GPATCH3: variants seen among roughly 807,000 people sequenced by gnomAD.
GPATCH3 encodes the protein G patch domain-containing protein 3.
A neutral mutation model predicts 53.2 loss-of-function variants in GPATCH3; 45 were observed. The ratio of observed to expected loss-of-function variants is 0.85; its 90% CI spans 0.67 to 1.08. The LOEUF is 1.08. Among genes scored for constraint, GPATCH3 ranks in the 50% least tolerant of loss-of-function variants. The pLI is 0.00. For synonymous variants in GPATCH3, 280 were observed against 270.6 expected, an observed-to-expected ratio of 1.03 and a Z score of -0.34; for missense variants, 680 against 687.2, an observed-to-expected ratio of 0.99 and a Z score of 0.12.
rs770681869 is a variant in GPATCH3, at chr1:26,893,374, C to A, written c.1111+15G>T. On this transcript the variant is annotated intron_variant, in intron 4 of 6. Coordinates refer to ENST00000361720, the MANE Select transcript of GPATCH3 (RefSeq NM_022078.3). ...ACCTGTTTCACCTCCAGTATTGCCA[C>A]TCCTTGCCCAGTACCTCTGTCATAG... 3.7e-5 allele frequency: 59 copies of A among 1,606,636 alleles called. No individual in the cohort carries two copies. The highest frequency in any genetic ancestry group is 5.0e-5 in the Non-Finnish European group (59 of 1,173,132).
At chr1:26,893,855 C>A (rs931571865) in intron 3 of GPATCH3, among the ~76,000 whole-genome samples, 3 of 151,948 alleles carry the variant, frequency 2.0e-5, no homozygotes, top group African/African-American at 4.8e-5. Context: ...CTCACTCTGT[C>A]CCCCAGGCTG....
intron 2 of GPATCH3, among the ~76,000 whole-genome samples, chr1:26,894,752 G>A (rs1356109002): frequency 6.6e-6 from 1 of 151,952 alleles, no homozygotes; most frequent in Non-Finnish European, 1.5e-5. Flanking sequence ...CCCACATTTA[G>A]GCCCACAGCT....
At chr1:26,899,145 C>G (rs889720271) in intron 1 of GPATCH3, among the ~76,000 whole-genome samples, 1 of 152,238 alleles carries the variant, frequency 6.6e-6, no homozygotes, top group African/African-American at 2.4e-5. Context: ...TAGTTTCTCC[C>G]TTCTCTGTCA....
In GPATCH3 at chr1:26,898,058, G is replaced by A. The variant is rs375250266; in HGVS notation, c.452-333C>T. ...AGGCTGAAGCAGGAGGATTGCTTGA[G>A]CCTGGGAGGTGAGGCTGTAGTGAGC... On this transcript the variant is annotated intron_variant, in intron 1 of 6. Coordinates refer to ENST00000361720, the MANE Select transcript of GPATCH3 (RefSeq NM_022078.3). 1.9e-4 allele frequency among the ~76,000 whole-genome samples: 29 copies of A among 152,234 alleles called. No homozygotes were observed. In the East Asian group the frequency reaches 3.5e-3, roughly 18 times the overall value.
Position 26,891,344 on chromosome 1 carries a change from A to C in GPATCH3, c.1362-118T>G, listed in dbSNP as rs954820895. 3.8e-5 allele frequency: 28 copies of C among 739,990 alleles called. No individual in the cohort carries two copies. The African/African-American group carries it at 5.0e-4, about 13-fold the overall frequency. The allele number at this position is 739,990 out of a possible 1,614,324, so 45.8% of individuals were successfully genotyped here. On this transcript the variant is annotated intron_variant, in intron 6 of 6. Coordinates refer to ENST00000361720, the MANE Select transcript of GPATCH3 (RefSeq NM_022078.3). Reference sequence around the variant, plus strand: ...GTTTGTCCAAAGACAGAGGCTTTAAATCTGGGTCTTTGTTCTCCAGCCCTC... The same window carrying C: ...GTTTGTCCAAAGACAGAGGCTTTAACTCTGGGTCTTTGTTCTCCAGCCCTC...
chr1:26,891,259 GCT>G (rs2081924179), intron 6 of GPATCH3, 33 bp from the exon 7 acceptor site: 1 of 1,544,244 alleles, frequency 6.5e-7, no homozygotes, highest in African/African-American at 1.4e-5. Context: ...TGAGAAGGCT[GCT>G]CTCAAACTCC....
In GPATCH3 at chr1:26,891,174, T is replaced by C. The variant is rs142814432; in HGVS notation, c.1414A>G (p.Asn472Asp). 1.5e-5 allele frequency: 24 copies of C among 1,613,810 alleles called. No homozygotes were observed. The highest frequency in any genetic ancestry group is 2.0e-5 in the Non-Finnish European group (24 of 1,179,942). The stretch of plus-strand genomic sequence containing the variant: ...ATGGTGGAGATGAGCCCCAAGCCAT[T>C]TCTACGGGGCCTCTTCAGTTGCCCA... ...PFGQLKRPRR[N>D]GLGLISTIYD... Residue 472 changes from asparagine (N) to aspartate (D), a missense_variant, in exon 7 of 7, where the codon AAT becomes GAT. Physicochemically the swap from Asn to Asp is conservative, Grantham distance 23 (BLOSUM62 1). Coordinates refer to ENST00000361720, the MANE Select transcript of GPATCH3 (RefSeq NM_022078.3).
At chr1:26,899,446 T>C (rs2081965038) in intron 1 of GPATCH3, among the ~76,000 whole-genome samples, 1 of 152,220 alleles carries the variant, frequency 6.6e-6, no homozygotes, top group Admixed American at 6.5e-5. Flanking sequence ...AATGTCTTCC[T>C]TTGTGGATTC....
At position 26,896,894 on chromosome 1, in the gene GPATCH3, C is replaced by A. The variant is rs111242927; in HGVS notation, c.876+407G>T. On this transcript the variant is annotated intron_variant, in intron 2 of 6. Transcript: ENST00000361720. Reference sequence around the variant, plus strand: ...AAAATTAGCCGGGTATGGTGGTGGCCGCCTGTAGTCCCAGCTACTTGGGAG... The same window carrying A: ...AAAATTAGCCGGGTATGGTGGTGGCAGCCTGTAGTCCCAGCTACTTGGGAG... Among the ~76,000 whole-genome samples the A allele has an allele frequency of 1.6e-4, 24 of 149,784 alleles. 1 individual carries two copies. In the South Asian group the frequency reaches 5.1e-3, roughly 32 times the overall value.
Position 26,900,416 on chromosome 1 carries a change from C to T in GPATCH3, c.27G>A (p.Glu9=). Residue 9 remains glutamate (E), a synonymous_variant, in exon 1 of 7, where the codon GAG becomes GAA. Coordinates refer to ENST00000361720, the MANE Select transcript of GPATCH3 (RefSeq NM_022078.3). ...TCACTACCAGGTAAACTGTCGCCTCCTCCTCCGCCTCGCCGGGCACCGCCA... is the reference window on the plus strand; with the variant it reads ...TCACTACCAGGTAAACTGTCGCCTCTTCCTCCGCCTCGCCGGGCACCGCCA... The part of the protein sequence containing the change: MAVPGEAE[E]EATVYLVVSG... The T allele has an allele frequency of 1.2e-5, 19 of 1,610,626 alleles. No homozygotes were observed. The highest frequency in any genetic ancestry group is 1.6e-5 in the Non-Finnish European group (19 of 1,177,572).
chr1:26,892,916 G>T, intron 4 of GPATCH3, 125 bp from the exon 5 acceptor site: 1 of 1,188,530 alleles, frequency 8.4e-7, no homozygotes, highest in Non-Finnish European at 1.2e-6. Context: ...TCTCTCATTA[G>T]ACTGGGAGCT....
rs1557659692 is a variant in GPATCH3 at position 26,893,435 on chromosome 1, CTGTT to C, written c.1061_1064del (p.Glu354GlyfsTer10). On this transcript the variant is annotated frameshift_variant, in exon 4 of 7. Coordinates refer to ENST00000361720, the MANE Select transcript of GPATCH3 (RefSeq NM_022078.3). LOFTEE classifies it high-confidence loss of function. ...TGTCCACATCCCAGTCATCGGCTGT[CTGTT>C]CATCAAAATCTGTAGGGACAGAAAA... 12 of 1,608,144 alleles carry C rather than the reference CTGTT, an allele frequency of 7.5e-6. No individual in the cohort carries two copies. In the South Asian group the frequency reaches 1.2e-4, roughly 16 times the overall value.
In GPATCH3 at chr1:26,900,364, C is replaced by A. The variant is rs147405790; in HGVS notation, c.79G>T (p.Ala27Ser). The change falls in exon 1 of 7, where the codon GCC becomes TCC. Residue 27 changes from alanine (A) to serine (S), a missense_variant. Physicochemically the swap from Ala to Ser is moderately conservative, Grantham distance 99. Coordinates refer to ENST00000361720, the MANE Select transcript of GPATCH3 (RefSeq NM_022078.3). ...TGGCTAAAATAGCTCCGTAAATGGG[C>A]CGAGCGCAACACGGAGGGGATACCG... ...VSGIPSVLRSAHLRSYFSQFR... is the reference protein window; with the variant it reads ...VSGIPSVLRSSHLRSYFSQFR... The A allele has an allele frequency of 4.4e-5, 71 of 1,614,046 alleles. No homozygotes were observed. Among genetic ancestry groups the A allele is most frequent in the Middle Eastern group, 3.3e-4 (2 of 6,058 alleles).
At chr1:26,894,150 C>T (rs901437011) in intron 3 of GPATCH3, 86 bp downstream of exon 3, 1 of 1,363,458 alleles carries the variant, frequency 7.3e-7, no homozygotes, top group Non-Finnish European at 1.0e-6. Flanking sequence ...TTGGGCTCAC[C>T]ACTACAGAAT....
chr1:26,900,447 G>C lies in GPATCH3; in HGVS notation c.-5C>G. 1 of 1,607,068 alleles carries C rather than the reference G, an allele frequency of 6.2e-7. No homozygotes were observed. Among genetic ancestry groups the C allele is most frequent in the East Asian group, 2.2e-5 (1 of 44,766 alleles). The stretch of plus-strand genomic sequence containing the variant: ...CGCCTCGCCGGGCACCGCCATCTTG[G>C]ATTGTCACATGATCAGCTAGAACCA... On this transcript the variant is annotated 5_prime_UTR_variant, in exon 1 of 7. It adds an upstream start codon to the 5' untranslated region. Transcript: ENST00000361720.
chr1:26,894,371 G>A lies in GPATCH3; in HGVS notation c.916C>T (p.Leu306=), dbSNP rs1357759422. The A allele has an allele frequency of 2.5e-6, 4 of 1,614,002 alleles. No homozygotes were observed. Among genetic ancestry groups the A allele is most frequent in the African/African-American group, 2.7e-5 (2 of 74,898 alleles). The change falls in exon 3 of 7, where the codon CTG becomes TTG. Residue 306 remains leucine, a synonymous_variant. Coordinates refer to ENST00000361720, the MANE Select transcript of GPATCH3 (RefSeq NM_022078.3). ...TCCTGCCCGGTCACGTCCTCATGCA[G>A]CGCTTCATGCCGTTCCCATTCCTCA... ...RGEEWERHEA[L]HEDVTGQERT... is the part of the protein sequence containing the mutation.
At position 26,894,340 on chromosome 1, in the gene GPATCH3, G is replaced by T; in HGVS notation, c.947C>A (p.Thr316Asn). Residue 316 changes from threonine to asparagine, a missense_variant, in exon 3 of 7, where the codon ACC becomes AAC. Coordinates refer to ENST00000361720, the MANE Select transcript of GPATCH3 (RefSeq NM_022078.3). The stretch of plus-strand genomic sequence containing the variant: ...CTCCTCCTCAAAGAGCTGCTCAGTG[G>T]TCCGCTCCTGCCCGGTCACGTCCTC... The part of the protein sequence containing the change: ...LHEDVTGQER[T>N]TEQLFEEEIE... The T allele has an allele frequency of 1.2e-6, 2 of 1,614,044 alleles. No homozygotes were observed. Among genetic ancestry groups the T allele is most frequent in the Middle Eastern group, 1.6e-4 (1 of 6,062 alleles).
chr1:26,890,848 T>C lies in GPATCH3; in HGVS notation c.*162A>G, dbSNP rs1454855143. On this transcript the variant is annotated 3_prime_UTR_variant, in exon 7 of 7. Coordinates refer to ENST00000361720, the MANE Select transcript of GPATCH3 (RefSeq NM_022078.3). ...GACGGGAGGGGGCTTTTTGTAAAAA[T>C]GCCCCTGAGGTATAGAACCGGCAGG... 2.5e-6 allele frequency: 2 copies of C among 800,342 alleles called. No homozygotes were observed. Among genetic ancestry groups the C allele is most frequent in the South Asian group, 2.7e-5 (2 of 74,130 alleles). 49.6% of individuals were successfully genotyped at this position (800,342 alleles called of 1,614,324 possible).
chr1:26,898,619 G>A (rs948770188), intron 1 of GPATCH3, among the ~76,000 whole-genome samples: 1 of 151,456 alleles, frequency 6.6e-6, no homozygotes, highest in African/African-American at 2.4e-5. Context: ...GTCTTCATAC[G>A]ATGTGTTCCA....
Sources: allele counts gnomAD v4.1 joint callset (sites outside exome capture counted in the v4.1 genomes callset), GRCh38; gene constraint gnomAD v4.1.1; transcripts MANE v1.5; gene names NCBI Gene and HGNC (gene_info 2026-07-23, HGNC 2026-07-21).